The following SORBS2 variants were observed in gnomAD, a reference collection of about 807,000 sequenced individuals.
SORBS2 encodes the protein sorbin and SH3 domain-containing protein 2.
SORBS2 carries 46 observed loss-of-function variants against 97.7 expected under a neutral mutation model. That is an observed-to-expected ratio of 0.47 (90% CI 0.37 to 0.60). The LOEUF (loss-of-function observed/expected upper bound fraction) is 0.60. Among genes scored for constraint, SORBS2 ranks in the 20% least tolerant of loss-of-function variants. SORBS2 has a pLI of 0.00. For missense variants in SORBS2, 1,316 were observed against 1,282.3 expected (o/e 1.03, Z -0.40); for synonymous variants, 476 against 473.4 (o/e 1.01, Z -0.07).
At chr4:185,800,245 C>CT (rs2099123769) in intron 1 of SORBS2, among the ~76,000 whole-genome samples, 1 of 152,120 alleles carries the variant, frequency 6.6e-6, no homozygotes, top group Non-Finnish European at 1.5e-5. Context: ...AGCAATCACC[C>CT]TATAACATAT....
At chr4:185,664,741 G>A (rs908399626) in intron 4 of SORBS2, among the ~76,000 whole-genome samples, 1 of 152,078 alleles carries the variant, frequency 6.6e-6, no homozygotes. Context: ...AAAACATATG[G>A]CTTATTATAA....
rs1046208713 is a variant in SORBS2, at chr4:185,684,490, TA to T, written c.-197-5669del. ...ACCCCTACCCCAAAAGTTTTTAGGT[TA>T]AAAAAAAAAACCCCAAAACCTCTGA... is the stretch of plus-strand genomic sequence containing the variant. On this transcript the variant is annotated intron_variant, in intron 2 of 20. Transcript: ENST00000284776. This position sits in a 1 kb window ranked among gnomAD's most constrained non-coding sequence, Gnocchi z 4.2. Among the ~76,000 whole-genome samples the T allele has an allele frequency of 7.0e-3, 1,016 of 145,088 alleles. 3 individuals are homozygous for T. The highest frequency in any genetic ancestry group is 0.022 in the South Asian group (99 of 4,548).
At chr4:185,612,581 C>T (rs1561405580) in intron 11 of SORBS2, among the ~76,000 whole-genome samples, 1 of 151,628 alleles carries the variant, frequency 6.6e-6, no homozygotes, top group South Asian at 2.1e-4. Context: ...CCCGCACCTC[C>T]TGGGTTTAAG....
intron 2 of SORBS2, among the ~76,000 whole-genome samples, chr4:185,704,535 T>A (rs2098312265): frequency 6.6e-6 from 1 of 152,088 alleles, no homozygotes; most frequent in Admixed American, 6.5e-5. Context: ...GCTAGGCTAG[T>A]CTCGAGTTCC....
chr4:185,662,008 C>T (rs568213664), intron 5 of SORBS2, 96 bp downstream of exon 8: 9 of 1,378,490 alleles, frequency 6.5e-6, no homozygotes, highest in Middle Eastern at 2.4e-4. Context: ...GAGTGCTGAG[C>T]GCTCCCGCCT....
chr4:185,751,371 C>T (rs913966738), intron 2 of SORBS2, among the ~76,000 whole-genome samples: 5 of 151,714 alleles, frequency 3.3e-5, no homozygotes, highest in East Asian at 1.9e-4. Context: ...TGAGACAAAG[C>T]GAGATGAGAC....
At chr4:185,715,124 C>T (rs2098455468) in intron 2 of SORBS2, among the ~76,000 whole-genome samples, 1 of 152,180 alleles carries the variant, frequency 6.6e-6, no homozygotes, top group Non-Finnish European at 1.5e-5. Context: ...AATAAATTTA[C>T]TTAATCATTA....
chr4:185,807,182 TAA>T (rs979319394), intron 1 of SORBS2, among the ~76,000 whole-genome samples: 2 of 152,180 alleles, frequency 1.3e-5, no homozygotes, highest in Non-Finnish European at 1.5e-5. Flanking sequence ...TTGTTAAAAA[TAA>T]GTTTCCCTAA....
At chr4:185,686,183 A>G (rs983122031) in intron 2 of SORBS2, among the ~76,000 whole-genome samples, 3 of 152,010 alleles carry the variant, frequency 2.0e-5, no homozygotes, top group African/African-American at 7.2e-5. Context: ...TCACATTTCC[A>G]TTTTTCCTTT....
intron 2 of SORBS2, among the ~76,000 whole-genome samples, chr4:185,683,034 A>AAC (rs1226255464): frequency 6.7e-6 from 1 of 150,196 alleles, no homozygotes; most frequent in African/African-American, 2.5e-5. Context: ...AAAAAAGAAA[A>AAC]GAAAAGAAAA....
At chr4:185,743,194 C>T (rs1479098362) in intron 2 of SORBS2, among the ~76,000 whole-genome samples, 2 of 152,010 alleles carry the variant, frequency 1.3e-5, no homozygotes, top group East Asian at 1.9e-4. Flanking sequence ...ATTATTTTTT[C>T]GTGGCATCCT....
intron 1 of SORBS2, among the ~76,000 whole-genome samples, chr4:185,952,094 G>A (rs908696734): frequency 9.3e-5 from 14 of 150,972 alleles, no homozygotes; most frequent in Non-Finnish European, 1.6e-4. Context: ...GCAAGATCTC[G>A]GCTCACTGCA....
Position 185,623,314 on chromosome 4 carries a change from G to C in SORBS2, c.1815C>G (p.Val605=). The change falls in exon 7 of 15, where the codon GTC becomes GTG. Residue 605 remains valine, a synonymous_variant. Coordinates refer to ENST00000418609, the Ensembl canonical transcript of SORBS2. The surrounding 1 kb of genome is among the most constrained non-coding windows in gnomAD (Gnocchi z 6.4). ...TTTTCCTCCGGAAAGGCACAGGACT[G>C]ACTAGAAAAGCAAGTTTAGAAAGGC... 6.2e-7 allele frequency: 1 copy of C among 1,614,120 alleles called. No homozygotes were observed. Among genetic ancestry groups the C allele is most frequent in the African/African-American group, 1.3e-5 (1 of 75,044 alleles).
At chr4:185,663,121 A>C (rs2097544778) in intron 4 of SORBS2, among the ~76,000 whole-genome samples, 2 of 152,256 alleles carry the variant, frequency 1.3e-5, no homozygotes, top group Admixed American at 1.3e-4. Flanking sequence ...CCCACAGCAC[A>C]GTACTGATCA....
exon 6 of SORBS2, chr4:185,626,839 T>A: frequency 1.2e-6 from 2 of 1,614,156 alleles, no homozygotes; most frequent in Non-Finnish European, 1.7e-6. Context: ...CACCTTTTGC[T>A]CTTGATGGGG....
chr4:185,875,273 G>A (rs2099232891), intron 1 of SORBS2, among the ~76,000 whole-genome samples: 1 of 152,116 alleles, frequency 6.6e-6, no homozygotes, highest in African/African-American at 2.4e-5. Context: ...AAAAAAATAA[G>A]CACATGAGGT....
chr4:185,681,300 T>C (rs1469519677), intron 2 of SORBS2, among the ~76,000 whole-genome samples: 2 of 152,126 alleles, frequency 1.3e-5, no homozygotes, highest in Non-Finnish European at 2.9e-5. Flanking sequence ...TGCTTTTATT[T>C]TATCCCTGCA....
At chr4:185,646,924 A>G (rs1407001351) in intron 3 of SORBS2, 142 bp from the exon 13 acceptor site, 2 of 608,388 alleles carry the variant, frequency 3.3e-6, no homozygotes, top group East Asian at 2.8e-5. Flanking sequence ...CCTGTGAAAA[A>G]TACCACATTC....
chr4:185,608,613 A>G (rs2096477648), intron 12 of SORBS2, among the ~76,000 whole-genome samples: 2 of 152,230 alleles, frequency 1.3e-5, no homozygotes, highest in South Asian at 4.1e-4. Flanking sequence ...TAGTTCTGAT[A>G]AATATATACA....
Sources: gnomAD v4.1 joint callset for allele counts (sites outside exome capture counted in the v4.1 genomes callset) on GRCh38, gnomAD v4.1.1 for gene constraint, Gnocchi (gnomAD v3.1) non-coding constraint, MANE v1.5 for transcripts, NCBI Gene and HGNC (gene_info 2026-07-23, HGNC 2026-07-21) for gene names.